PKIG: variants seen among roughly 807,000 people sequenced by gnomAD.
The protein encoded by PKIG is protein kinase (cAMP-dependent, catalytic) inhibitor gamma.
Under a neutral mutation model 6.8 loss-of-function variants are expected in PKIG, and 1 was observed. The ratio of observed to expected loss-of-function variants is 0.15; its 90% CI spans 0.05 to 0.69. PKIG has a LOEUF of 0.69. Ranked by LOEUF, PKIG falls within the 30% of genes least tolerant of loss-of-function variation. PKIG has a pLI of 0.82. For missense variants in PKIG, 77 were observed against 104.0 expected (o/e 0.74, Z 1.13); for synonymous variants, 39 against 43.0 (o/e 0.91, Z 0.36).
chr20:44,566,060 C>G (rs1253094442), intron 1 of PKIG, among the ~76,000 whole-genome samples: 1 of 152,222 alleles, frequency 6.6e-6, no homozygotes, highest in Non-Finnish European at 1.5e-5. Flanking sequence ...CCACACCCAG[C>G]CAATAGGTGA....
At chr20:44,604,630 T>A (rs1385412313) in intron 2 of PKIG, among the ~76,000 whole-genome samples, 1 of 152,234 alleles carries the variant, frequency 6.6e-6, no homozygotes, top group Non-Finnish European at 1.5e-5. Context: ...ATTAGAATCG[T>A]GCCTACTCGT....
intron 2 of PKIG, among the ~76,000 whole-genome samples, chr20:44,596,657 A>G (rs2065077878): frequency 6.6e-6 from 1 of 152,144 alleles, no homozygotes; most frequent in South Asian, 2.1e-4. Flanking sequence ...AGGAGGCAGG[A>G]AGGATGGAAG....
intron 1 of PKIG, among the ~76,000 whole-genome samples, chr20:44,584,164 T>C (rs1038628452): frequency 2.0e-5 from 3 of 152,208 alleles, no homozygotes; most frequent in African/African-American, 7.2e-5. Context: ...CATCTACTTA[T>C]ATGTTTTCAT....
At chr20:44,534,749 A>G (rs1022103946) in intron 1 of PKIG, among the ~76,000 whole-genome samples, 1 of 152,148 alleles carries the variant, frequency 6.6e-6, no homozygotes, top group Non-Finnish European at 1.5e-5. Context: ...GATTACAGGC[A>G]TGAGCCACTG....
At chr20:44,609,625 G>A (rs371978094) in intron 2 of PKIG, among the ~76,000 whole-genome samples, 1 of 152,226 alleles carries the variant, frequency 6.6e-6, no homozygotes, top group Non-Finnish European at 1.5e-5. Flanking sequence ...GGAATGCAGC[G>A]GCCAGAACCT....
At chr20:44,591,228 T>A (rs1353840826) in intron 2 of PKIG, among the ~76,000 whole-genome samples, 1 of 151,624 alleles carries the variant, frequency 6.6e-6, no homozygotes, top group Non-Finnish European at 1.5e-5. Context: ...CCTGGAGGCT[T>A]GGGGGGTGCA....
At chr20:44,588,049 T>C (rs538147368) in intron 1 of PKIG, among the ~76,000 whole-genome samples, 1 of 152,284 alleles carries the variant, frequency 6.6e-6, no homozygotes, top group Non-Finnish European at 1.5e-5. Flanking sequence ...ATGAACACAT[T>C]GTGAAAATGT....
intron 1 of PKIG, among the ~76,000 whole-genome samples, chr20:44,537,633 A>C (rs1245045943): frequency 6.7e-6 from 1 of 150,236 alleles, no homozygotes. Context: ...GCTGGAGTGC[A>C]GTGGTGCGAT....
At chr20:44,541,967 G>A (rs1401244668) in intron 1 of PKIG, among the ~76,000 whole-genome samples, 1 of 152,036 alleles carries the variant, frequency 6.6e-6, no homozygotes, top group East Asian at 1.9e-4. Flanking sequence ...GGGATTATAG[G>A]CATAAGCCAC....
chr20:44,578,207 G>A (rs775127825), upstream of PKIG, among the ~76,000 whole-genome samples: 5 of 151,778 alleles, frequency 3.3e-5, no homozygotes, highest in Non-Finnish European at 7.4e-5. Context: ...CGGGCATGGT[G>A]GTGGGCGCCT....
intron 1 of PKIG, among the ~76,000 whole-genome samples, chr20:44,559,266 T>C (rs2064745931): frequency 6.6e-6 from 1 of 152,218 alleles, no homozygotes; most frequent in Non-Finnish European, 1.5e-5. Context: ...TGTCCAAACA[T>C]AAATATAAAA....
intron 1 of PKIG, among the ~76,000 whole-genome samples, chr20:44,542,813 G>A (rs903506272): frequency 6.6e-5 from 10 of 152,214 alleles, no homozygotes; most frequent in South Asian, 2.1e-4. Context: ...GACTGGTCTC[G>A]AACTCCTGAC....
chr20:44,548,585 G>T (rs551580829), intron 1 of PKIG, among the ~76,000 whole-genome samples: 129 of 152,174 alleles, frequency 8.5e-4, no homozygotes, highest in Non-Finnish European at 7.5e-4. Flanking sequence ...ATTTGCTGGG[G>T]ATTTGTGTTG....
chr20:44,602,570 T>C (rs1253963413), intron 2 of PKIG, among the ~76,000 whole-genome samples: 5 of 152,098 alleles, frequency 3.3e-5, no homozygotes, highest in African/African-American at 1.2e-4. Context: ...CGGTGGCTCA[T>C]GCCTGTAATC....
chr20:44,604,772 C>CA (rs2065149765), intron 2 of PKIG, among the ~76,000 whole-genome samples: 1 of 152,176 alleles, frequency 6.6e-6, no homozygotes, highest in Non-Finnish European at 1.5e-5. Flanking sequence ...GCAGCTGGGC[C>CA]AGCCCTTTGG....
rs1379242296 is a variant in PKIG, at chr20:44,618,249, A to G, written c.152-36A>G. On this transcript the variant is annotated intron_variant, in intron 3 of 3. Transcript: ENST00000372886. ...TCCTTCTGTGCATTACTTTGTGTAT[A>G]TGTGCCCAAGAAAAACCTCTTTCTC... 2.9e-6 allele frequency: 4 copies of G among 1,360,556 alleles called. No individual in the cohort carries two copies. In the Admixed American group the frequency reaches 5.0e-5, roughly 17 times the overall value. The allele number at this position is 1,360,556 out of a possible 1,614,324, so 84.3% of individuals were successfully genotyped here. A position where few individuals can be genotyped will look rare whatever the true frequency, so the allele number is the denominator to read the frequency against.
intron 1 of PKIG, among the ~76,000 whole-genome samples, chr20:44,555,991 C>T (rs913356047): frequency 2.6e-5 from 4 of 152,182 alleles, no homozygotes; most frequent in Non-Finnish European, 5.9e-5. Context: ...CAGGTGCGTG[C>T]CACCATGCCT....
At chr20:44,584,191 C>T (rs1051284323) in intron 1 of PKIG, among the ~76,000 whole-genome samples, 9 of 152,170 alleles carry the variant, frequency 5.9e-5, no homozygotes, top group African/African-American at 2.2e-4. Flanking sequence ...CTGAACTAAA[C>T]TGTATTTACA....
chr20:44,532,717 GA>G (rs1227994001), intron 1 of PKIG, among the ~76,000 whole-genome samples: 2 of 152,214 alleles, frequency 1.3e-5, no homozygotes, highest in Non-Finnish European at 2.9e-5. Context: ...ATCAGGGAGA[GA>G]TGCCAAAAGA....
Sources: gnomAD v4.1 joint callset for allele counts (sites outside exome capture counted in the v4.1 genomes callset) on GRCh38, gnomAD v4.1.1 for gene constraint, MANE v1.5 for transcripts, NCBI Gene and HGNC (gene_info 2026-07-23, HGNC 2026-07-21) for gene names.